ELMO1: variants seen among roughly 807,000 people sequenced by gnomAD.
ELMO1 encodes engulfment and cell motility 1, also known as engulfment and cell motility protein 1.
A neutral mutation model predicts 98.9 loss-of-function variants in ELMO1; 26 were observed. The observed-to-expected ratio is 0.26, with a 90% CI of 0.19 to 0.36. The LOEUF is 0.36. Among genes scored for constraint, ELMO1 ranks in the 10% least tolerant of loss-of-function variants. The pLI is 1.00. For missense variants in ELMO1, 627 were observed against 935.2 expected, an observed-to-expected ratio of 0.67 and a Z score of 4.30; for synonymous variants, 346 against 346.0, an observed-to-expected ratio of 1.00 and a Z score of 0.00.
At chr7:37,441,002 A>AC (rs1413763045) in intron 1 of ELMO1, among the ~76,000 whole-genome samples, 1 of 150,804 alleles carries the variant, frequency 6.6e-6, no homozygotes, top group African/African-American at 2.4e-5. Flanking sequence ...ACCAAAAACA[A>AC]AAAAAAAATT....
chr7:37,178,374 T>C, intron 13 of ELMO1, among the ~76,000 whole-genome samples: 1 of 149,990 alleles, frequency 6.7e-6, no homozygotes, highest in Admixed American at 6.7e-5. Context: ...TTCAATTATC[T>C]CCCACTGAGT....
At chr7:36,912,458 T>A (rs979820150) in intron 16 of ELMO1, among the ~76,000 whole-genome samples, 1 of 152,156 alleles carries the variant, frequency 6.6e-6, no homozygotes, top group Non-Finnish European at 1.5e-5. Context: ...GTGTAAATCA[T>A]AGGAGAAAGA....
intron 4 of ELMO1, among the ~76,000 whole-genome samples, chr7:37,280,118 A>G (rs913705251): frequency 1.3e-5 from 2 of 152,246 alleles, no homozygotes; most frequent in Non-Finnish European, 2.9e-5. Flanking sequence ...ACCCTTTTCA[A>G]CAAATGATGC....
At chr7:37,385,371 ATTCCC>A (rs1802756983) in intron 1 of ELMO1, among the ~76,000 whole-genome samples, 1 of 151,992 alleles carries the variant, frequency 6.6e-6, no homozygotes, top group African/African-American at 2.4e-5. Flanking sequence ...TGGCCCTGCT[ATTCCC>A]CAGCAGGCCA....
chr7:36,953,911 T>A (rs1788223867), intron 16 of ELMO1, among the ~76,000 whole-genome samples: 1 of 149,962 alleles, frequency 6.7e-6, no homozygotes, highest in Non-Finnish European at 1.5e-5. Context: ...GTCATTTCAG[T>A]AGGAACTTTG....
At chr7:37,198,758 C>G (rs1792112918) in intron 13 of ELMO1, among the ~76,000 whole-genome samples, 4 of 152,184 alleles carry the variant, frequency 2.6e-5, no homozygotes, top group Admixed American at 2.6e-4. Flanking sequence ...AGAAAGGATG[C>G]CAAGGAAGTT....
intron 13 of ELMO1, among the ~76,000 whole-genome samples, chr7:37,170,316 A>G (rs1790061803): frequency 6.6e-6 from 1 of 152,246 alleles, no homozygotes; most frequent in African/African-American, 2.4e-5. Context: ...AGCAATTTTC[A>G]TGTGTGAATA....
chr7:37,128,562 C>T (rs1301295750), intron 14 of ELMO1, among the ~76,000 whole-genome samples: 2 of 152,190 alleles, frequency 1.3e-5, no homozygotes, highest in Non-Finnish European at 2.9e-5. Flanking sequence ...AATTCAGTTA[C>T]ACCCACTGCT....
intron 14 of ELMO1, among the ~76,000 whole-genome samples, chr7:37,106,171 G>T (rs1299003864): frequency 2.0e-5 from 3 of 152,176 alleles, no homozygotes; most frequent in Non-Finnish European, 4.4e-5. Context: ...ATGCCTTAGA[G>T]CTTAAACAAG....
intron 1 of ELMO1, among the ~76,000 whole-genome samples, chr7:37,430,258 G>C (rs1358064742): frequency 1.3e-5 from 2 of 152,130 alleles, no homozygotes; most frequent in Non-Finnish European, 2.9e-5. Context: ...CCCCACCTGG[G>C]TTTCTGCCTG....
At chr7:37,391,209 C>T (rs935535772) in intron 1 of ELMO1, among the ~76,000 whole-genome samples, 8 of 152,096 alleles carry the variant, frequency 5.3e-5, no homozygotes, top group African/African-American at 1.9e-4. Context: ...CTCCACCTCC[C>T]GGGCTCAAAT....
At chr7:37,058,497 A>G (rs1796505941) in intron 15 of ELMO1, among the ~76,000 whole-genome samples, 1 of 152,056 alleles carries the variant, frequency 6.6e-6, no homozygotes, top group Middle Eastern at 3.2e-3. Flanking sequence ...TGCCAACCAG[A>G]AGTGGGCAGA....
chr7:37,044,601 C>T (rs1409722103), intron 15 of ELMO1, among the ~76,000 whole-genome samples: 1 of 152,170 alleles, frequency 6.6e-6, no homozygotes, highest in Non-Finnish European at 1.5e-5. Context: ...GCTTCACTGT[C>T]TCCCCCTCCT....
chr7:36,887,290 C>T (rs1255515397), intron 18 of ELMO1, among the ~76,000 whole-genome samples: 31 of 152,296 alleles, frequency 2.0e-4, no homozygotes, highest in Admixed American at 1.8e-3. Context: ...GGCTCATATA[C>T]GTGTCAGCTA....
intron 15 of ELMO1, among the ~76,000 whole-genome samples, chr7:37,038,008 G>A (rs1311357187): frequency 6.6e-6 from 1 of 152,088 alleles, no homozygotes; most frequent in African/African-American, 2.4e-5. Flanking sequence ...TACCATGTTT[G>A]AGTGGATGCA....
chr7:36,904,934 G>A (rs573812096), intron 16 of ELMO1, among the ~76,000 whole-genome samples: 17 of 152,322 alleles, frequency 1.1e-4, no homozygotes, highest in African/African-American at 3.6e-4. Context: ...TTAGCTAATC[G>A]AAGGACTTGG....
intron 1 of ELMO1, among the ~76,000 whole-genome samples, chr7:37,374,082 G>A (rs543030969): frequency 3.9e-5 from 6 of 152,306 alleles, no homozygotes; most frequent in Admixed American, 1.3e-4. Flanking sequence ...CTGTGGCCCA[G>A]CTTTGGTCTG....
intron 13 of ELMO1, among the ~76,000 whole-genome samples, chr7:37,203,885 G>A (rs992943547): frequency 2.6e-5 from 4 of 152,098 alleles, no homozygotes; most frequent in African/African-American, 9.7e-5. Context: ...CAGCCCAGAA[G>A]TACAGGAAAA....
intron 1 of ELMO1, among the ~76,000 whole-genome samples, chr7:37,417,168 T>G (rs1804252937): frequency 6.6e-6 from 1 of 152,172 alleles, no homozygotes; most frequent in South Asian, 2.1e-4. Context: ...ATAGAAAGAC[T>G]GGACCAGAGG....
Sources: gnomAD v4.1 joint callset for allele counts (sites outside exome capture counted in the v4.1 genomes callset) on GRCh38, gnomAD v4.1.1 for gene constraint, MANE v1.5 for transcripts, NCBI Gene and HGNC (gene_info 2026-07-23, HGNC 2026-07-21) for gene names.